The following GRID1 variants were observed in gnomAD, a reference collection of about 807,000 sequenced individuals.
The protein encoded by GRID1 is glutamate receptor ionotropic, delta-1.
A neutral mutation model predicts 98.0 loss-of-function variants in GRID1; 28 were observed. The observed-to-expected ratio is 0.29, with a 90% confidence interval of 0.21 to 0.39. The LOEUF (loss-of-function observed/expected upper bound fraction) is 0.39. Ranked by LOEUF, GRID1 falls within the 10% of genes least tolerant of loss-of-function variation. GRID1 has a pLI of 1.00. For missense variants in GRID1, 1,111 were observed against 1,340.5 expected (o/e 0.83, Z 2.67); for synonymous variants, 553 against 538.5 (o/e 1.03, Z -0.37).
rs150802713 is a variant in GRID1 at position 85,914,164 on chromosome 10, G to A, written c.780+2022C>T. 2.0e-3 allele frequency among the ~76,000 whole-genome samples: 301 copies of A among 152,298 alleles called. 2 individuals carry two copies. Among genetic ancestry groups the A allele is most frequent in the African/African-American group, 6.5e-3 (271 of 41,564 alleles). On this transcript the variant is annotated intron_variant, in intron 5 of 15. Coordinates refer to ENST00000327946, the MANE Select transcript of GRID1 (RefSeq NM_017551.3). ...GCACACTGGTTAGTCTGAAGTTAAC[G>A]CCAGCCCTGAAGAGTGAGTCAAGAG...
intron 4 of GRID1, among the ~76,000 whole-genome samples, chr10:86,133,434 T>C (rs916800676): frequency 3.3e-5 from 5 of 152,214 alleles, no homozygotes; most frequent in Non-Finnish European, 7.3e-5. Flanking sequence ...TCCACTGCCA[T>C]GTGCCACAGC....
At chr10:86,109,361 C>T (rs1844442291) in intron 4 of GRID1, among the ~76,000 whole-genome samples, 1 of 152,192 alleles carries the variant, frequency 6.6e-6, no homozygotes, top group African/African-American at 2.4e-5. Context: ...ACAAGGCTTA[C>T]AAAACTCAGC....
At position 86,189,586 on chromosome 10, in the gene GRID1, A is replaced by G. The variant is rs528035347; in HGVS notation, c.520+16778T>C. ...CTGCACTAAAAACACAACTTTATAG[A>G]TCCCTGACCATGAACCTGCAATAGC... On this transcript the variant is annotated intron_variant, in intron 3 of 15. Transcript: ENST00000327946. 3.9e-5 allele frequency among the ~76,000 whole-genome samples: 6 copies of G among 152,198 alleles called. No homozygotes were observed. In the South Asian group the frequency reaches 1.2e-3, roughly 32 times the overall value.
Position 86,134,359 on chromosome 10 carries a change from A to G in GRID1, c.726+4460T>C, listed in dbSNP as rs140259242. Among the ~76,000 whole-genome samples, 388 of 152,330 alleles carry G rather than the reference A, an allele frequency of 2.5e-3. 3 individuals are homozygous for G. Among genetic ancestry groups the G allele is most frequent in the African/African-American group, 8.9e-3 (368 of 41,570 alleles). ...GATGGATGAGTAGATGGACAGATGA[A>G]TGGATGAACGGAGAGAGAGGTGGAT... On this transcript the variant is annotated intron_variant, in intron 4 of 15. Coordinates refer to ENST00000327946, the MANE Select transcript of GRID1 (RefSeq NM_017551.3).
At chr10:85,771,531 T>C (rs1219018639) in intron 8 of GRID1, among the ~76,000 whole-genome samples, 1 of 151,956 alleles carries the variant, frequency 6.6e-6, no homozygotes, top group Non-Finnish European at 1.5e-5. Flanking sequence ...GACTGGCAAA[T>C]TGGATAAAGA....
intron 4 of GRID1, among the ~76,000 whole-genome samples, chr10:86,009,437 T>C (rs535481691): frequency 2.4e-4 from 37 of 152,200 alleles, no homozygotes; most frequent in Non-Finnish European, 4.3e-4. Context: ...ATGATAAAAG[T>C]TAACAGGAAC....
chr10:86,148,561 G>C (rs1845118298), intron 3 of GRID1, among the ~76,000 whole-genome samples: 1 of 152,092 alleles, frequency 6.6e-6, no homozygotes, highest in Non-Finnish European at 1.5e-5. Flanking sequence ...GTTGACTATA[G>C]TTAATAACAA....
intron 13 of GRID1, among the ~76,000 whole-genome samples, chr10:85,627,994 T>C (rs1590165681): frequency 6.6e-6 from 1 of 152,070 alleles, no homozygotes; most frequent in East Asian, 1.9e-4. Context: ...TGCATGAGTG[T>C]GTGCATGCAG....
At chr10:85,693,399 T>C (rs1841355101) in intron 12 of GRID1, among the ~76,000 whole-genome samples, 1 of 152,194 alleles carries the variant, frequency 6.6e-6, no homozygotes. Context: ...TATGTCATTA[T>C]ATATTTATCA....
At chr10:86,326,148 T>C (rs1215748014) in intron 2 of GRID1, among the ~76,000 whole-genome samples, 1 of 152,106 alleles carries the variant, frequency 6.6e-6, no homozygotes, top group Non-Finnish European at 1.5e-5. Flanking sequence ...ATAAAATCAA[T>C]AAAATCCCTG....
chr10:86,101,244 C>T (rs912135591), intron 4 of GRID1, among the ~76,000 whole-genome samples: 19 of 152,044 alleles, frequency 1.2e-4, no homozygotes, highest in African/African-American at 2.7e-4. Flanking sequence ...GTTGAATGAC[C>T]GTATAATTTA....
At chr10:85,727,776 G>T in intron 10 of GRID1, 79 bp downstream of exon 10, 1 of 1,065,026 alleles carries the variant, frequency 9.4e-7, no homozygotes. Flanking sequence ...GGTTTCCACT[G>T]TGCAATTGGT....
chr10:86,283,547 GCCCTTA>G (rs772919950), intron 2 of GRID1, among the ~76,000 whole-genome samples: 1 of 52,164 alleles, frequency 1.9e-5, no homozygotes, highest in South Asian at 6.6e-4. Flanking sequence ...ACACACACCT[GCCCTTA>G]CACACACATG....
At chr10:85,699,650 A>G (rs1841430675) in intron 12 of GRID1, among the ~76,000 whole-genome samples, 1 of 152,234 alleles carries the variant, frequency 6.6e-6, no homozygotes, top group African/African-American at 2.4e-5. Context: ...GGCTTATAGT[A>G]AATTTTCTAT....
At chr10:86,176,450 T>C (rs7079226) in intron 3 of GRID1, among the ~76,000 whole-genome samples, 228 of 152,318 alleles carry the variant, frequency 1.5e-3, no homozygotes, top group African/African-American at 5.1e-3. Context: ...GCAAAGGCAC[T>C]GAGGCCTGAA....
chr10:86,020,723 A>G (rs1843037380), intron 4 of GRID1, among the ~76,000 whole-genome samples: 1 of 152,194 alleles, frequency 6.6e-6, no homozygotes. Context: ...GGCCTCCAGC[A>G]TCCAAAGCCC....
rs73332677 is a variant in GRID1 at position 85,834,977 on chromosome 10, T to G, written c.1233+19519A>C. ...AGTTACTTCAAAGGCAATAACATGG[T>G]GGGTTAATGTCAAAAAATTCAAAAA... is the stretch of plus-strand genomic sequence containing the variant. On this transcript the variant is annotated intron_variant, in intron 8 of 15. Transcript: ENST00000327946. Among the ~76,000 whole-genome samples the G allele has an allele frequency of 5.7e-3, 870 of 152,206 alleles. 8 individuals are homozygous for G. The highest frequency in any genetic ancestry group is 0.02 in the African/African-American group (818 of 41,536).
chr10:86,022,382 A>G (rs1315029507), intron 4 of GRID1, among the ~76,000 whole-genome samples: 1 of 152,080 alleles, frequency 6.6e-6, no homozygotes, highest in South Asian at 2.1e-4. Flanking sequence ...TAAGCCCTCA[A>G]TGGCCACCTG....
intron 8 of GRID1, among the ~76,000 whole-genome samples, chr10:85,771,497 TA>T (rs1842267118): frequency 6.6e-6 from 1 of 152,042 alleles, no homozygotes; most frequent in African/African-American, 2.4e-5. Flanking sequence ...GTAAATGGAC[TA>T]AATGCTCCAA....
Sources: gnomAD v4.1 joint callset for allele counts (sites outside exome capture counted in the v4.1 genomes callset) on GRCh38, gnomAD v4.1.1 for gene constraint, MANE v1.5 for transcripts, NCBI Gene and HGNC (gene_info 2026-07-23, HGNC 2026-07-21) for gene names.